BCAR3: variants seen among roughly 807,000 people sequenced by gnomAD.
BCAR3 encodes the protein BCAR3 adaptor protein, NSP family member.
In BCAR3, 37 loss-of-function variants were observed where a neutral mutation model predicts 80.1. The observed-to-expected ratio is 0.46, with a 90% CI of 0.36 to 0.61. The LOEUF is 0.61. Among genes scored for constraint, BCAR3 ranks in the 20% least tolerant of loss-of-function variants. BCAR3 has a pLI of 0.00. For missense variants in BCAR3, 978 were observed against 1,068.2 expected, an observed-to-expected ratio of 0.92 and a Z score of 1.18; for synonymous variants, 389 against 418.9, an observed-to-expected ratio of 0.93 and a Z score of 0.87.
At chr1:93,665,587 C>T (rs1056055275) in intron 2 of BCAR3, among the ~76,000 whole-genome samples, 4 of 152,124 alleles carry the variant, frequency 2.6e-5, no homozygotes, top group Admixed American at 6.5e-5. Context: ...TCTCCTTTGA[C>T]GATGGCATCC....
At chr1:93,606,443 T>C (rs1341145894) in intron 3 of BCAR3, among the ~76,000 whole-genome samples, 2 of 152,098 alleles carry the variant, frequency 1.3e-5, no homozygotes, top group South Asian at 4.2e-4. Flanking sequence ...GGTAATATCA[T>C]GAAGACCTAC....
Position 93,588,012 on chromosome 1 carries a change from C to A in BCAR3, c.929+965G>T, listed in dbSNP as rs139894451. ...AGTGCCCTGAATCTTTCTCTTCCCCCATTCCCTGAGATTCAGACTACAGAC... is the reference window on the plus strand; with the variant it reads ...AGTGCCCTGAATCTTTCTCTTCCCCAATTCCCTGAGATTCAGACTACAGAC... On this transcript the variant is annotated intron_variant, in intron 5 of 11. Coordinates refer to ENST00000260502, the MANE Select transcript of BCAR3 (RefSeq NM_003567.4). Among the ~76,000 whole-genome samples the A allele has an allele frequency of 9.5e-4, 144 of 152,264 alleles. 1 individual carries two copies. The highest frequency in any genetic ancestry group is 3.2e-3 in the African/African-American group (135 of 41,558).
At chr1:93,645,961 A>C (rs1039470188) in intron 2 of BCAR3, among the ~76,000 whole-genome samples, 2 of 151,640 alleles carry the variant, frequency 1.3e-5, no homozygotes, top group African/African-American at 4.9e-5. Context: ...AGAATTTTTA[A>C]CTAGAAAAAA....
At chr1:93,762,353 C>T (rs770278987) in intron 2 of BCAR3, among the ~76,000 whole-genome samples, 3 of 152,230 alleles carry the variant, frequency 2.0e-5, no homozygotes, top group Non-Finnish European at 4.4e-5. Context: ...GCTCTGTGCA[C>T]CATCCACATA....
intron 8 of BCAR3, among the ~76,000 whole-genome samples, chr1:93,574,644 G>A (rs1221150583): frequency 6.6e-6 from 1 of 152,202 alleles, no homozygotes; most frequent in Non-Finnish European, 1.5e-5. Flanking sequence ...CGGCCTTTCA[G>A]GCTGAAATGT....
At chr1:93,845,502 A>ATATATATATATCTCTCATGTTGTCAAG in intron 2 of BCAR3, 2 of 113,822 alleles carry the variant, frequency 1.8e-5, no homozygotes, top group African/African-American at 3.5e-5. Context: ...ATATATATAT[A>ATATATATATATCTCTCATGTTGTCAAG]AAACTTTGTT....
In BCAR3 at chr1:93,837,373, TTCAC is replaced by T. The variant is rs111963609; in HGVS notation, c.-63+8190_-63+8193del. ...GCTCTGTGTTTTGTGTTTTCTGTGT[TTCAC>T]TCACTTAGTTCAATGTAATTGATGC... On this transcript the variant is annotated intron_variant, in intron 2 of 13. Coordinates refer to the BCAR3 transcript ENST00000370244. Among the ~76,000 whole-genome samples, 112 of 152,334 alleles carry T rather than the reference TTCAC, an allele frequency of 7.4e-4. 1 individual carries two copies. Among genetic ancestry groups the T allele is most frequent in the African/African-American group, 2.1e-3 (89 of 41,580 alleles).
intron 2 of BCAR3, among the ~76,000 whole-genome samples, chr1:93,666,768 G>A (rs770138882): frequency 1.3e-5 from 2 of 152,218 alleles, no homozygotes; most frequent in South Asian, 2.1e-4. Context: ...AGTGCACTGC[G>A]TAGTTGTTAT....
chr1:93,814,686 C>A (rs895551860), intron 2 of BCAR3, among the ~76,000 whole-genome samples: 1 of 152,224 alleles, frequency 6.6e-6, no homozygotes, highest in African/African-American at 2.4e-5. Flanking sequence ...AGCTGTTACA[C>A]CGGCATCCAC....
chr1:93,637,339 G>C (rs954789398), intron 3 of BCAR3, among the ~76,000 whole-genome samples: 1 of 152,034 alleles, frequency 6.6e-6, no homozygotes, highest in Admixed American at 6.6e-5. Context: ...ATTTTTAGTA[G>C]AGTCGGGGCT....
chr1:93,734,051 C>T (rs1329414427), intron 2 of BCAR3, among the ~76,000 whole-genome samples: 1 of 152,190 alleles, frequency 6.6e-6, no homozygotes, highest in Admixed American at 6.5e-5. Flanking sequence ...GGCTGGCTGT[C>T]TCTCTCAGCT....
intron 3 of BCAR3, chr1:93,594,809 T>C (rs1674356400): frequency 6.6e-6 from 1 of 152,232 alleles, no homozygotes; most frequent in Non-Finnish European, 1.5e-5. Flanking sequence ...TATTTGCTTA[T>C]ATCCAAGAAG....
Position 93,650,257 on chromosome 1 carries a change from C to T in BCAR3, c.318-7914G>A, listed in dbSNP as rs145152414. Among the ~76,000 whole-genome samples, 319 of 152,140 alleles carry T rather than the reference C, an allele frequency of 2.1e-3. 2 individuals carry two copies. The highest frequency in any genetic ancestry group is 7.1e-3 in the African/African-American group (296 of 41,510). ...AAAATTAGCTGGGCGTGGTGGCAAG[C>T]GCCTGTAATCCCAGCTATTTGGAAG... is the stretch of plus-strand genomic sequence containing the variant. On this transcript the variant is annotated intron_variant, in intron 2 of 11. Coordinates refer to ENST00000260502, the MANE Select transcript of BCAR3 (RefSeq NM_003567.4).
intron 3 of BCAR3, chr1:93,705,945 T>C (rs1413152593): frequency 1.3e-5 from 2 of 152,324 alleles, no homozygotes; most frequent in African/African-American, 4.8e-5. Context: ...CTGGAGCTTC[T>C]GCAGGTTAAC....
At chr1:93,718,239 C>A (rs1366056320) in intron 2 of BCAR3, among the ~76,000 whole-genome samples, 1 of 152,106 alleles carries the variant, frequency 6.6e-6, no homozygotes, top group Non-Finnish European at 1.5e-5. Context: ...GGAATTTGGG[C>A]AGGTAGAAAA....
chr1:93,635,138 C>T (rs537496091), intron 3 of BCAR3, among the ~76,000 whole-genome samples: 3 of 151,994 alleles, frequency 2.0e-5, no homozygotes, highest in South Asian at 2.1e-4. Flanking sequence ...GAGGATCACC[C>T]GAGACCAGAA....
At chr1:93,634,773 T>C (rs1366858398) in intron 3 of BCAR3, among the ~76,000 whole-genome samples, 3 of 151,966 alleles carry the variant, frequency 2.0e-5, no homozygotes, top group African/African-American at 7.2e-5. Context: ...TCTGCTGCCA[T>C]GTGAGATGTG....
rs571802158 is a variant in BCAR3, at chr1:93,597,512, G to A, written c.358-5119C>T. ...TGCCACGCACCTGCTGTGTGGCCTCGGGCAGGTGACATTAACTCTGTAGAG... is the reference window on the plus strand; with the variant it reads ...TGCCACGCACCTGCTGTGTGGCCTCAGGCAGGTGACATTAACTCTGTAGAG... On this transcript the variant is annotated intron_variant, in intron 3 of 11. Coordinates refer to ENST00000260502, the MANE Select transcript of BCAR3 (RefSeq NM_003567.4). 4.6e-4 allele frequency among the ~76,000 whole-genome samples: 70 copies of A among 152,142 alleles called. 1 individual carries two copies. Among genetic ancestry groups the A allele is most frequent in the Non-Finnish European group, 9.4e-4 (64 of 68,022 alleles).
intron 2 of BCAR3, among the ~76,000 whole-genome samples, chr1:93,841,696 C>G (rs997343682): frequency 6.6e-6 from 1 of 152,238 alleles, no homozygotes; most frequent in Non-Finnish European, 1.5e-5. Context: ...CAAGCCTTCC[C>G]CTTTCGGGAC....
Sources: gnomAD v4.1 joint callset for allele counts (sites outside exome capture counted in the v4.1 genomes callset) on GRCh38, gnomAD v4.1.1 for gene constraint, MANE v1.5 for transcripts, NCBI Gene and HGNC (gene_info 2026-07-23, HGNC 2026-07-21) for gene names.